Variants in KCNH8 observed in about 807,000 individuals in gnomAD.
KCNH8 encodes voltage-gated delayed rectifier potassium channel KCNH8.
Under a neutral mutation model 103.6 loss-of-function variants are expected in KCNH8, and 70 were observed. The ratio of observed to expected loss-of-function variants is 0.68; its 90% CI spans 0.56 to 0.82. KCNH8 has a LOEUF of 0.82. KCNH8 is among the 40% of genes least tolerant of loss of function. KCNH8 has a pLI of 0.00. For synonymous variants in KCNH8, 498 were observed against 489.4 expected, an observed-to-expected ratio of 1.02 and a Z score of -0.23; for missense variants, 1,217 against 1,329.9, an observed-to-expected ratio of 0.92 and a Z score of 1.32.
intron 8 of KCNH8, among the ~76,000 whole-genome samples, chr3:19,439,950 CAG>C (rs2067257075): frequency 6.6e-6 from 1 of 151,442 alleles, no homozygotes; most frequent in Non-Finnish European, 1.5e-5. Context: ...CAAAAAGAGA[CAG>C]AGGGAGGAGA....
chr3:19,310,983 T>C (rs1028934375), intron 3 of KCNH8, among the ~76,000 whole-genome samples: 3 of 151,806 alleles, frequency 2.0e-5, no homozygotes, highest in African/African-American at 7.3e-5. Context: ...CTGTGACTTT[T>C]GCTCTTTCAT....
chr3:19,531,306 T>C (rs1413652925), intron 15 of KCNH8, among the ~76,000 whole-genome samples: 1 of 152,210 alleles, frequency 6.6e-6, no homozygotes, highest in Non-Finnish European at 1.5e-5. Context: ...CTTGTGAATG[T>C]AGGTAGTGCA....
intron 15 of KCNH8, among the ~76,000 whole-genome samples, chr3:19,521,746 A>G (rs2068974435): frequency 6.7e-6 from 1 of 150,234 alleles, no homozygotes; most frequent in African/African-American, 2.5e-5. Context: ...AAAGCATCTT[A>G]TCTTAACTAG....
chr3:19,403,374 A>ATATATATATATATG (rs2066642900), intron 7 of KCNH8, among the ~76,000 whole-genome samples: 1 of 26,634 alleles, frequency 3.8e-5, no homozygotes, highest in Non-Finnish European at 6.6e-5. Flanking sequence ...ATATATATAT[A>ATATATATATATATG]TATATATATA....
chr3:19,525,632 A>G (rs1176317679), intron 15 of KCNH8, among the ~76,000 whole-genome samples: 1 of 151,996 alleles, frequency 6.6e-6, no homozygotes, highest in African/African-American at 2.4e-5. Context: ...CAGAAACTCA[A>G]CGAAGCTATT....
chr3:19,244,077 A>G (rs1047801168), intron 1 of KCNH8, among the ~76,000 whole-genome samples: 3 of 152,300 alleles, frequency 2.0e-5, no homozygotes, highest in African/African-American at 7.2e-5. Context: ...GTTTTTTAAA[A>G]GGTATAAAAT....
At chr3:19,275,485 G>C (rs2064655894) in intron 2 of KCNH8, among the ~76,000 whole-genome samples, 1 of 151,970 alleles carries the variant, frequency 6.6e-6, no homozygotes, top group South Asian at 2.1e-4. Context: ...TTGGAGGAGG[G>C]GTATTGACCC....
intron 1 of KCNH8, among the ~76,000 whole-genome samples, chr3:19,201,663 GC>G: frequency 6.6e-6 from 1 of 151,892 alleles, no homozygotes; most frequent in South Asian, 2.1e-4. Context: ...ACTAACCTGG[GC>G]CCCCCACCTT....
At chr3:19,468,860 G>A (rs1262808092) in intron 11 of KCNH8, among the ~76,000 whole-genome samples, 2 of 152,060 alleles carry the variant, frequency 1.3e-5, no homozygotes, top group Non-Finnish European at 2.9e-5. Flanking sequence ...TTTTTGATTT[G>A]CAAACATCTC....
intron 3 of KCNH8, among the ~76,000 whole-genome samples, chr3:19,295,076 A>G (rs2064978152): frequency 6.6e-6 from 1 of 152,152 alleles, no homozygotes; most frequent in Admixed American, 6.5e-5. Context: ...AATTCATTGA[A>G]ACACCAGGCA....
At position 19,262,456 on chromosome 3, in the gene KCNH8, A is replaced by G. The variant is rs1169306934; in HGVS notation, c.310+8569A>G. On this transcript the variant is annotated intron_variant, in intron 2 of 15. Transcript: ENST00000328405. Reference sequence around the variant, plus strand: ...TTATTTCAGAATTGGAACTCAAAATAGGAAAAGAGACAATGATTTGGGTTG... The same window carrying G: ...TTATTTCAGAATTGGAACTCAAAATGGGAAAAGAGACAATGATTTGGGTTG... Among the ~76,000 whole-genome samples the G allele has an allele frequency of 2.0e-5, 3 of 152,080 alleles. No individual in the cohort carries two copies. The East Asian group carries it at 5.8e-4, about 29-fold the overall frequency.
intron 3 of KCNH8, among the ~76,000 whole-genome samples, chr3:19,321,561 T>C (rs2065350419): frequency 2.0e-5 from 3 of 151,938 alleles, no homozygotes; most frequent in Admixed American, 2.0e-4. Flanking sequence ...ATATAATTTC[T>C]ATTTTCTTAA....
chr3:19,225,021 G>A (rs1049214234), intron 1 of KCNH8, among the ~76,000 whole-genome samples: 1 of 152,030 alleles, frequency 6.6e-6, no homozygotes, highest in Non-Finnish European at 1.5e-5. Flanking sequence ...AAAGAAAAAG[G>A]ATATGAATGG....
At chr3:19,206,629 T>C (rs994255691) in intron 1 of KCNH8, among the ~76,000 whole-genome samples, 1 of 152,016 alleles carries the variant, frequency 6.6e-6, no homozygotes, top group Non-Finnish European at 1.5e-5. Context: ...CTGTACCTTA[T>C]AGGATTTTGA....
intron 3 of KCNH8, among the ~76,000 whole-genome samples, chr3:19,323,621 T>C (rs2065380796): frequency 6.6e-6 from 1 of 152,140 alleles, no homozygotes; most frequent in African/African-American, 2.4e-5. Flanking sequence ...TTCCTTCTCA[T>C]TTGGGTAGAC....
rs116461937 is a variant in KCNH8, at chr3:19,400,218, C to T, written c.1177+4907C>T. ...AACCCACCCATACCCCTACCAGATA[C>T]GATGTTAGCCAGCAAAAAAAAAAAA... On this transcript the variant is annotated intron_variant, in intron 7 of 15. Transcript: ENST00000328405. 8.1e-3 allele frequency among the ~76,000 whole-genome samples: 852 copies of T among 105,482 alleles called. 13 individuals are homozygous for T. The highest frequency in any genetic ancestry group is 0.032 in the African/African-American group (787 of 24,934). 69.2% of individuals were successfully genotyped at this position (105,482 alleles called of 152,430 possible). A position where few individuals can be genotyped will look rare whatever the true frequency, so the allele number is the denominator to read the frequency against.
intron 5 of KCNH8, among the ~76,000 whole-genome samples, chr3:19,363,449 G>A (rs539618534): frequency 6.6e-6 from 1 of 152,264 alleles, no homozygotes; most frequent in African/African-American, 2.4e-5. Context: ...CAAGTCATTA[G>A]CTAAAGGCTT....
chr3:19,179,191 G>A lies in KCNH8; in HGVS notation c.76+30396G>A, dbSNP rs957856641. ...GTTGATCTGGTTTTGTTTGGGATGG[G>A]AGAATGTTTATTATTTGTTTCTCTA... On this transcript the variant is annotated intron_variant, in intron 1 of 15. Coordinates refer to ENST00000328405, the MANE Select transcript of KCNH8 (RefSeq NM_144633.3). Among the ~76,000 whole-genome samples, 14 of 151,988 alleles carry A rather than the reference G, an allele frequency of 9.2e-5. No homozygotes were observed. The South Asian group carries it at 2.9e-3, about 32-fold the overall frequency.
At chr3:19,386,099 G>T (rs1358062146) in intron 5 of KCNH8, among the ~76,000 whole-genome samples, 1 of 152,014 alleles carries the variant, frequency 6.6e-6, no homozygotes, top group African/African-American at 2.4e-5. Flanking sequence ...CATAGTTCTT[G>T]AGGAAATCAA....
Sources: gnomAD v4.1 joint callset for allele counts (sites outside exome capture counted in the v4.1 genomes callset) on GRCh38, gnomAD v4.1.1 for gene constraint, MANE v1.5 for transcripts, NCBI Gene and HGNC (gene_info 2026-07-23, HGNC 2026-07-21) for gene names.